RAD51B: variants seen among roughly 807,000 people sequenced by gnomAD.
RAD51B encodes the protein DNA repair protein RAD51 homolog 2.
Under a neutral mutation model 42.2 loss-of-function variants are expected in RAD51B, and 38 were observed. The observed-to-expected ratio is 0.90, with a 90% CI of 0.70 to 1.18. The LOEUF (loss-of-function observed/expected upper bound fraction) is 1.18, where lower values mean the gene tolerates loss of function less well. RAD51B is among the 50% of genes most tolerant of loss of function. The pLI, the probability that RAD51B is intolerant of heterozygous loss-of-function variation, is 0.00. For missense variants in RAD51B, 373 were observed against 400.7 expected, an observed-to-expected ratio of 0.93 and a Z score of 0.59; for synonymous variants, 154 against 145.2, an observed-to-expected ratio of 1.06 and a Z score of -0.43.
intron 7 of RAD51B, among the ~76,000 whole-genome samples, chr14:68,101,851 C>A (rs566112561): frequency 6.6e-6 from 1 of 152,256 alleles, no homozygotes; most frequent in African/African-American, 2.4e-5. Flanking sequence ...CCGACATTTC[C>A]CTTCTGCACT....
chr14:68,551,247 TTCCAC>T (rs918426037), intron 10 of RAD51B, among the ~76,000 whole-genome samples: 23 of 152,246 alleles, frequency 1.5e-4, no homozygotes, highest in African/African-American at 5.5e-4. Flanking sequence ...ACTTCCTTGT[TTCCAC>T]TCCCTGTCCA....
intron 8 of RAD51B, among the ~76,000 whole-genome samples, chr14:68,390,591 T>C (rs561683194): frequency 6.6e-5 from 10 of 152,310 alleles, no homozygotes; most frequent in East Asian, 1.9e-4. Context: ...CAGACCAGCA[T>C]TGAATGAAAC....
intron 5 of RAD51B, among the ~76,000 whole-genome samples, chr14:67,876,260 G>A (rs2042723750): frequency 6.6e-6 from 1 of 152,148 alleles, no homozygotes. Flanking sequence ...CTACATTTTA[G>A]CATATTTATG....
intron 10 of RAD51B, among the ~76,000 whole-genome samples, chr14:68,570,329 C>CT (rs1305439894): frequency 1.3e-5 from 2 of 152,194 alleles, no homozygotes; most frequent in Non-Finnish European, 2.9e-5. Context: ...TTATGACTCT[C>CT]TCCCCGGGGT....
chr14:68,032,844 C>T (rs961246496), intron 7 of RAD51B, among the ~76,000 whole-genome samples: 3 of 152,184 alleles, frequency 2.0e-5, no homozygotes, highest in African/African-American at 7.2e-5. Context: ...TCTTATACCA[C>T]TATTACCCTG....
intron 8 of RAD51B, among the ~76,000 whole-genome samples, chr14:68,330,614 C>A (rs1475316915): frequency 6.6e-6 from 1 of 152,062 alleles, no homozygotes; most frequent in Non-Finnish European, 1.5e-5. Flanking sequence ...TGTCATTCTG[C>A]CCAGGAGTTA....
At chr14:68,037,059 C>T (rs2076136816) in intron 7 of RAD51B, among the ~76,000 whole-genome samples, 1 of 67,872 alleles carries the variant, frequency 1.5e-5, no homozygotes, top group South Asian at 8.3e-4. Context: ...TTCCTTCCTT[C>T]CTCCCTCCCT....
intron 7 of RAD51B, among the ~76,000 whole-genome samples, chr14:67,956,420 G>C (rs1012354078): frequency 1.3e-5 from 2 of 152,164 alleles, no homozygotes; most frequent in African/African-American, 4.8e-5. Flanking sequence ...CTGGGAGGTA[G>C]AGATTGCAGT....
chr14:68,425,083 T>C (rs999283730), intron 9 of RAD51B, among the ~76,000 whole-genome samples: 1 of 152,242 alleles, frequency 6.6e-6, no homozygotes, highest in South Asian at 2.1e-4. Context: ...CCTATACCTA[T>C]AATCTCAGTT....
At chr14:68,195,887 C>T (rs1421473356) in intron 7 of RAD51B, among the ~76,000 whole-genome samples, 1 of 134,226 alleles carries the variant, frequency 7.5e-6, no homozygotes, top group Non-Finnish European at 1.6e-5. Context: ...CAGCCTGGGC[C>T]ACAAGAGCAG....
chr14:68,180,613 A>G (rs1321027257), intron 7 of RAD51B, among the ~76,000 whole-genome samples: 1 of 152,334 alleles, frequency 6.6e-6, no homozygotes, highest in East Asian at 1.9e-4. Context: ...AGGCAAAAAG[A>G]GGCTAAGTAA....
intron 8 of RAD51B, among the ~76,000 whole-genome samples, chr14:68,306,087 C>G (rs1595686737): frequency 6.6e-6 from 1 of 152,176 alleles, no homozygotes; most frequent in South Asian, 2.1e-4. Context: ...TTTGGAGGAG[C>G]TATTGAAGAA....
chr14:68,260,319 G>GTGTGTGTGTGTGTGT (rs1555383057), intron 7 of RAD51B, among the ~76,000 whole-genome samples: 31 of 136,198 alleles, frequency 2.3e-4, no homozygotes, highest in Non-Finnish European at 3.0e-4. Flanking sequence ...GTGTGTGTGT[G>GTGTGTGTGTGTGTGT]GAGAGGGGAA....
chr14:67,825,285 A>G (rs1318304096), intron 2 of RAD51B, among the ~76,000 whole-genome samples, 179 bp from the exon 3 acceptor site: 2 of 152,162 alleles, frequency 1.3e-5, no homozygotes, highest in Non-Finnish European at 2.9e-5. Flanking sequence ...AGTTTGTGTC[A>G]TTACAACTTT....
chr14:68,323,194 T>C (rs3784109), intron 8 of RAD51B, among the ~76,000 whole-genome samples: 6 of 151,878 alleles, frequency 4.0e-5, no homozygotes, highest in African/African-American at 2.4e-5. Flanking sequence ...GAGCAGATTG[T>C]AGGGAGGAAG....
chr14:67,845,545 G>A (rs969949185), intron 4 of RAD51B, among the ~76,000 whole-genome samples: 2 of 152,106 alleles, frequency 1.3e-5, no homozygotes, highest in Non-Finnish European at 2.9e-5. Context: ...GCATGTGCCT[G>A]TAGTCCCAGC....
chr14:68,594,703 A>G, exon 11 of RAD51B: 3 of 1,271,078 alleles, frequency 2.4e-6, no homozygotes, highest in Non-Finnish European at 3.0e-6. Context: ...CGCTAGGATT[A>G]CAAGTATGAG....
intron 9 of RAD51B, among the ~76,000 whole-genome samples, chr14:68,445,308 CTTACTTAAAAATGATTCTG>C (rs1418925868): frequency 6.6e-6 from 1 of 152,070 alleles, no homozygotes; most frequent in East Asian, 1.9e-4. Context: ...GAAAAGATCT[CTTACTTAAAAATGATTCTG>C]TATAAGATTA....
chr14:68,063,259 A>G (rs2076597678), intron 7 of RAD51B, among the ~76,000 whole-genome samples: 1 of 151,922 alleles, frequency 6.6e-6, no homozygotes, highest in Non-Finnish European at 1.5e-5. Flanking sequence ...TTTCTTTCTA[A>G]TATGATTTAC....
Sources: gnomAD v4.1 joint callset for allele counts (sites outside exome capture counted in the v4.1 genomes callset) on GRCh38, gnomAD v4.1.1 for gene constraint, MANE v1.5 for transcripts, NCBI Gene and HGNC (gene_info 2026-07-23, HGNC 2026-07-21) for gene names.